Variants in BCAS1 observed in about 807,000 individuals in gnomAD.
BCAS1 encodes breast carcinoma-amplified sequence 1.
BCAS1 carries 46 observed loss-of-function variants against 65.4 expected under a neutral mutation model. The observed-to-expected ratio is 0.70, with a 90% CI of 0.55 to 0.90. The LOEUF (loss-of-function observed/expected upper bound fraction) is 0.90, where lower values mean the gene tolerates loss of function less well. BCAS1 is among the 40% of genes least tolerant of loss of function. BCAS1 has a pLI of 0.00. For missense variants in BCAS1, 793 were observed against 771.2 expected (o/e 1.03, Z -0.33); for synonymous variants, 298 against 293.5 (o/e 1.02, Z -0.16).
At chr20:54,044,850 A>G in intron 3 of BCAS1, among the ~76,000 whole-genome samples, 1 of 141,028 alleles carries the variant, frequency 7.1e-6, no homozygotes, top group African/African-American at 2.7e-5. Context: ...AAAAAAAAAG[A>G]AAAAAAGAAA....
intron 10 of BCAS1, among the ~76,000 whole-genome samples, chr20:53,958,665 A>G (rs1325481420): frequency 6.6e-6 from 1 of 152,234 alleles, no homozygotes; most frequent in Non-Finnish European, 1.5e-5. Flanking sequence ...ATGAAGGATA[A>G]TTTTTAGTGG....
chr20:53,989,776 C>G (rs565905613), intron 7 of BCAS1, among the ~76,000 whole-genome samples: 1 of 152,274 alleles, frequency 6.6e-6, no homozygotes, highest in South Asian at 2.1e-4. Flanking sequence ...GAGGCAATCT[C>G]ATGAATAGGG....
At chr20:54,059,649 C>T (rs184802555) in intron 1 of BCAS1, among the ~76,000 whole-genome samples, 33 of 152,258 alleles carry the variant, frequency 2.2e-4, no homozygotes, top group African/African-American at 7.7e-4. Flanking sequence ...GTTGTATGAA[C>T]ATCATAGATA....
At chr20:53,966,605 C>A (rs2090034368) in intron 10 of BCAS1, among the ~76,000 whole-genome samples, 1 of 152,188 alleles carries the variant, frequency 6.6e-6, no homozygotes, top group African/African-American at 2.4e-5. Flanking sequence ...TCTCAAATCA[C>A]TTGTATGCTC....
chr20:53,963,604 C>T (rs6091795), intron 10 of BCAS1, among the ~76,000 whole-genome samples: 77 of 152,236 alleles, frequency 5.1e-4, no homozygotes, highest in African/African-American at 1.8e-3. Flanking sequence ...ATTATTTAAA[C>T]AAATCGATAT....
At chr20:54,026,319 C>T (rs1055718747) in intron 4 of BCAS1, among the ~76,000 whole-genome samples, 2 of 145,960 alleles carry the variant, frequency 1.4e-5, no homozygotes, top group African/African-American at 5.0e-5. Context: ...TGAGGTTCTA[C>T]CCCTAAGAGT....
At chr20:53,949,854 T>A (rs1259343895) in intron 12 of BCAS1, among the ~76,000 whole-genome samples, 1 of 152,180 alleles carries the variant, frequency 6.6e-6, no homozygotes, top group African/African-American at 2.4e-5. Flanking sequence ...AGATGAGGTC[T>A]GTAAAGGAGT....
At chr20:54,061,080 A>G (rs1410209869) in intron 1 of BCAS1, among the ~76,000 whole-genome samples, 1 of 152,152 alleles carries the variant, frequency 6.6e-6, no homozygotes, top group Non-Finnish European at 1.5e-5. Flanking sequence ...GGAGTGCTTC[A>G]CCTGTATTGT....
At chr20:53,968,941 C>T (rs1444859418) in intron 9 of BCAS1, among the ~76,000 whole-genome samples, 1 of 152,216 alleles carries the variant, frequency 6.6e-6, no homozygotes, top group Admixed American at 6.5e-5. Flanking sequence ...ATATCAGAGA[C>T]TGAGAATGGC....
At position 53,944,824 on chromosome 20, in the gene BCAS1, C is replaced by T. The variant is rs1366241572; in HGVS notation, c.*98G>A. On this transcript the variant is annotated 3_prime_UTR_variant, in exon 13 of 13. Coordinates refer to ENST00000688948, the MANE Select transcript of BCAS1 (RefSeq NM_001366298.2). ...AGGCAGAATTTCATTTGCTGGCCAT[C>T]AGAAGAATATATACATGGAGCGTGT... 7 of 1,136,224 alleles carry T rather than the reference C, an allele frequency of 6.2e-6. No individual in the cohort carries two copies. The highest frequency in any genetic ancestry group is 1.5e-5 in the African/African-American group (1 of 65,516). The allele number at this position is 1,136,224 out of a possible 1,614,324, so 70.4% of individuals were successfully genotyped here.
At chr20:54,038,428 T>C (rs1441658483) in intron 3 of BCAS1, among the ~76,000 whole-genome samples, 1 of 151,260 alleles carries the variant, frequency 6.6e-6, no homozygotes, top group African/African-American at 2.4e-5. Context: ...ACAGCTGGAT[T>C]CCAGTTCCCA....
intron 12 of BCAS1, among the ~76,000 whole-genome samples, chr20:53,950,359 C>A (rs944744746): frequency 2.7e-4 from 41 of 152,174 alleles, no homozygotes; most frequent in African/African-American, 9.4e-4. Flanking sequence ...TGTCTGGCAC[C>A]TTTAACCTTT....
chr20:54,005,125 GA>G (rs2091152720), intron 4 of BCAS1, among the ~76,000 whole-genome samples: 1 of 152,128 alleles, frequency 6.6e-6, no homozygotes, highest in Admixed American at 6.5e-5. Flanking sequence ...CCTTATGGTG[GA>G]TAAAGGTCAG....
intron 3 of BCAS1, among the ~76,000 whole-genome samples, chr20:54,030,840 C>G (rs2299711): frequency 0.18 from 26,959 of 150,920 alleles, 3,195 homozygotes; most frequent in East Asian, 0.3. Context: ...TCTTCTTAAC[C>G]TTTTTTTCTG....
At chr20:53,968,304 T>C (rs954247637) in intron 9 of BCAS1, among the ~76,000 whole-genome samples, 12 of 152,194 alleles carry the variant, frequency 7.9e-5, no homozygotes, top group African/African-American at 2.9e-4. Context: ...CCCTGGAAAG[T>C]ACCATAGAGT....
At chr20:53,960,159 G>A (rs2089831166) in intron 10 of BCAS1, among the ~76,000 whole-genome samples, 1 of 152,108 alleles carries the variant, frequency 6.6e-6, no homozygotes, top group Admixed American at 6.6e-5. Context: ...GGCAAAAACC[G>A]AATGGACATG....
chr20:53,969,273 C>T (rs953803333), intron 9 of BCAS1, among the ~76,000 whole-genome samples: 2 of 152,016 alleles, frequency 1.3e-5, no homozygotes, highest in Non-Finnish European at 2.9e-5. Flanking sequence ...TCAATTAATG[C>T]TAGTGGTTGT....
chr20:54,017,910 AAAAAACAAACAAAAACC>A (rs2091473693), intron 4 of BCAS1, among the ~76,000 whole-genome samples: 1 of 152,168 alleles, frequency 6.6e-6, no homozygotes, highest in African/African-American at 2.4e-5. Context: ...AAACAAAAAC[AAAAAACAAACAAAAACC>A]ACACCAGAAA....
At chr20:54,039,123 A>T (rs1196607178) in intron 3 of BCAS1, among the ~76,000 whole-genome samples, 1 of 151,556 alleles carries the variant, frequency 6.6e-6, no homozygotes. Context: ...GTCAAATGAC[A>T]CTTCAAACAA....
Sources: gnomAD v4.1 joint callset for allele counts (sites outside exome capture counted in the v4.1 genomes callset) on GRCh38, gnomAD v4.1.1 for gene constraint, MANE v1.5 for transcripts, NCBI Gene and HGNC (gene_info 2026-07-23, HGNC 2026-07-21) for gene names.